Variants in NRXN3 observed in about 807,000 individuals in gnomAD.
NRXN3 encodes the protein neurexin III.
A neutral mutation model predicts 137.6 loss-of-function variants in NRXN3; 32 were observed. That is an observed-to-expected ratio of 0.23 (90% confidence interval 0.18 to 0.31). The LOEUF (loss-of-function observed/expected upper bound fraction) is 0.31. Among genes scored for constraint, NRXN3 ranks in the 10% least tolerant of loss-of-function variants. The probability of loss-of-function intolerance (pLI) is 1.00; values close to 1 mark genes in which losing one functional copy is unlikely to be tolerated. For missense variants in NRXN3, 1,574 were observed against 2,062.5 expected (o/e 0.76, Z 4.59); for synonymous variants, 798 against 784.5 (o/e 1.02, Z -0.29).
intron 15 of NRXN3, among the ~76,000 whole-genome samples, chr14:79,233,742 C>T (rs2153287317): frequency 6.6e-6 from 1 of 151,668 alleles, no homozygotes; most frequent in South Asian, 2.1e-4. Context: ...TTAAATTTGG[C>T]AAGCTTTTCT....
chr14:78,655,162 G>A (rs139699466), intron 6 of NRXN3, among the ~76,000 whole-genome samples: 72 of 152,144 alleles, frequency 4.7e-4, no homozygotes, highest in African/African-American at 1.7e-3. Context: ...TATATAATAA[G>A]ACCACTGATC....
chr14:79,740,712 T>TTTTATATATATATA (rs1555679790), intron 19 of NRXN3, among the ~76,000 whole-genome samples: 1 of 16,136 alleles, frequency 6.2e-5, no homozygotes, highest in Non-Finnish European at 1.0e-4. Context: ...ATTTAGTTTT[T>TTTTATATATATATA]TATATATATA....
chr14:78,433,371 T>C (rs1011391835), intron 4 of NRXN3, among the ~76,000 whole-genome samples: 4 of 152,142 alleles, frequency 2.6e-5, no homozygotes, highest in East Asian at 1.9e-4. Flanking sequence ...TGTGATTCTA[T>C]TGGGCCCACC....
intron 16 of NRXN3, among the ~76,000 whole-genome samples, chr14:79,629,331 G>C (rs1481567017): frequency 6.6e-6 from 1 of 152,118 alleles, no homozygotes; most frequent in Non-Finnish European, 1.5e-5. Context: ...GCTATGCTGG[G>C]TTGTTATAGC....
intron 8 of NRXN3, among the ~76,000 whole-genome samples, chr14:78,772,381 T>C (rs2153000539): frequency 6.6e-6 from 1 of 152,302 alleles, no homozygotes; most frequent in African/African-American, 2.4e-5. Context: ...CATAGTAAAA[T>C]GTTGATCCTT....
At chr14:79,480,380 G>T (rs2096596488) in intron 16 of NRXN3, among the ~76,000 whole-genome samples, 1 of 152,134 alleles carries the variant, frequency 6.6e-6, no homozygotes, top group African/African-American at 2.4e-5. Context: ...AGAGGAAAAT[G>T]AGTTTTGGTG....
intron 19 of NRXN3, among the ~76,000 whole-genome samples, chr14:79,776,811 C>T (rs2099098580): frequency 6.6e-6 from 1 of 152,136 alleles, no homozygotes; most frequent in African/African-American, 2.4e-5. Context: ...CCAGGAGTGG[C>T]ATCACTTTGT....
intron 16 of NRXN3, among the ~76,000 whole-genome samples, chr14:79,654,222 G>A (rs571184288): frequency 6.6e-6 from 1 of 151,944 alleles, no homozygotes; most frequent in African/African-American, 2.4e-5. Flanking sequence ...TTCCTCATTT[G>A]ATCCTCTCAC....
chr14:79,813,320 G>A (rs147479316), intron 20 of NRXN3, among the ~76,000 whole-genome samples: 52 of 152,030 alleles, frequency 3.4e-4, no homozygotes, highest in East Asian at 1.5e-3. Flanking sequence ...ATATCTATCC[G>A]TATATGCACA....
chr14:79,337,200 A>G (rs1453721681), intron 15 of NRXN3, among the ~76,000 whole-genome samples: 1 of 152,172 alleles, frequency 6.6e-6, no homozygotes, highest in Non-Finnish European at 1.5e-5. Context: ...CTGAGTCGGG[A>G]CCTTCTTCTG....
chr14:78,246,256 T>C (rs2067657069), intron 2 of NRXN3, among the ~76,000 whole-genome samples: 1 of 152,216 alleles, frequency 6.6e-6, no homozygotes, highest in South Asian at 2.1e-4. Context: ...ACAATTTGCT[T>C]TTCTCTTCTT....
At chr14:78,850,492 A>G (rs1166937267) in intron 10 of NRXN3, among the ~76,000 whole-genome samples, 1 of 152,126 alleles carries the variant, frequency 6.6e-6, no homozygotes, top group Non-Finnish European at 1.5e-5. Flanking sequence ...GGTAAAATGT[A>G]GAAAGGTATC....
chr14:78,578,001 G>T (rs1009167452), intron 4 of NRXN3, among the ~76,000 whole-genome samples: 3 of 152,036 alleles, frequency 2.0e-5, no homozygotes, highest in Non-Finnish European at 4.4e-5. Flanking sequence ...GGGAAATAAA[G>T]AATGTTTTTT....
chr14:78,567,952 G>T (rs1376611739), intron 4 of NRXN3, among the ~76,000 whole-genome samples: 2 of 151,978 alleles, frequency 1.3e-5, no homozygotes, highest in Non-Finnish European at 2.9e-5. Flanking sequence ...TTCATTCAGG[G>T]TTTTCATGAT....
At chr14:79,062,836 C>T (rs59721118) in intron 15 of NRXN3, among the ~76,000 whole-genome samples, 8,692 of 152,016 alleles carry the variant, frequency 0.057, 747 homozygotes, top group African/African-American at 0.19. Context: ...ATATAAAACA[C>T]GAAACAAAAA....
At chr14:78,212,399 A>T (rs532473516) in intron 1 of NRXN3, among the ~76,000 whole-genome samples, 61 of 152,192 alleles carry the variant, frequency 4.0e-4, no homozygotes, top group Non-Finnish European at 7.8e-4. Flanking sequence ...GGCTTCCTCA[A>T]AAACAAGTGA....
chr14:78,613,125 A>C (rs1203912205), intron 4 of NRXN3, among the ~76,000 whole-genome samples: 2 of 151,562 alleles, frequency 1.3e-5, no homozygotes, highest in Non-Finnish European at 2.9e-5. Context: ...CCTTGCTATT[A>C]ATATATTGTC....
intron 16 of NRXN3, among the ~76,000 whole-genome samples, chr14:79,625,482 G>A (rs992745343): frequency 4.6e-5 from 7 of 152,238 alleles, no homozygotes; most frequent in South Asian, 2.1e-4. Flanking sequence ...AAGAACAATT[G>A]CTAGATAATA....
At chr14:79,351,154 G>A (rs571379763) in intron 15 of NRXN3, among the ~76,000 whole-genome samples, 1 of 152,098 alleles carries the variant, frequency 6.6e-6, no homozygotes, top group African/African-American at 2.4e-5. Flanking sequence ...TTCTTGCCTG[G>A]TCTGTCTGAC....
Sources: gnomAD v4.1 joint callset for allele counts (sites outside exome capture counted in the v4.1 genomes callset) on GRCh38, gnomAD v4.1.1 for gene constraint, MANE v1.5 for transcripts, NCBI Gene and HGNC (gene_info 2026-07-23, HGNC 2026-07-21) for gene names.